FAT3: variants seen among roughly 807,000 people sequenced by gnomAD.
The protein encoded by FAT3 is FAT atypical cadherin 3, also known as protocadherin Fat 3.
A neutral mutation model predicts 310.2 loss-of-function variants in FAT3; 95 were observed. The ratio of observed to expected loss-of-function variants is 0.31; its 90% confidence interval spans 0.26 to 0.36. FAT3 has a LOEUF of 0.36. FAT3 is among the 10% of genes least tolerant of loss of function. FAT3 has a pLI of 1.00. For synonymous variants in FAT3, 2,314 were observed against 2,192.9 expected, an observed-to-expected ratio of 1.06 and a Z score of -1.54; for missense variants, 5,408 against 5,715.6, an observed-to-expected ratio of 0.95 and a Z score of 1.74.
In FAT3 at chr11:92,353,575, G is replaced by A. The variant is rs369038969; in HGVS notation, c.1463G>A (p.Gly488Glu). ...DAYVNESVPV[G>E]TSVLTVSASD... ...TATGTGAATGAAAGTGTCCCAGTGG[G>A]AACCAGCGTTCTAACAGTTTCAGCT... Residue 488 changes from glycine (G) to glutamate (E), a missense_variant, in exon 2 of 28, where the codon GGA (glycine) becomes GAA (glutamate). Gly to Glu is a moderately conservative substitution (Grantham distance 98, BLOSUM62 -2). Transcript: ENST00000525166. 41 of 1,613,672 alleles carry A rather than the reference G, an allele frequency of 2.5e-5. No individual in the cohort carries two copies. In the African/African-American group the frequency reaches 5.2e-4, roughly 20 times the overall value.
At chr11:92,434,815 T>C (rs74952860) in intron 2 of FAT3, among the ~76,000 whole-genome samples, 2 of 152,322 alleles carry the variant, frequency 1.3e-5, no homozygotes, top group East Asian at 3.9e-4. Context: ...TGCAGGTGTT[T>C]ATTTTTATTA....
intron 1 of FAT3, among the ~76,000 whole-genome samples, chr11:92,275,454 A>G (rs1464500360): frequency 6.6e-6 from 1 of 151,836 alleles, no homozygotes; most frequent in Non-Finnish European, 1.5e-5. Context: ...CTTTGGTTCT[A>G]CTGATTGGCA....
intron 2 of FAT3, among the ~76,000 whole-genome samples, chr11:92,447,222 C>CGTGTGT (rs34833885): frequency 0.022 from 3,160 of 146,382 alleles, 58 homozygotes; most frequent in African/African-American, 0.035. Flanking sequence ...TATATGTGTG[C>CGTGTGT]GTGTGTGTGT....
intron 3 of FAT3, among the ~76,000 whole-genome samples, chr11:92,552,362 T>C (rs1464875617): frequency 6.6e-6 from 1 of 152,204 alleles, no homozygotes; most frequent in African/African-American, 2.4e-5. Flanking sequence ...GTGCTCTTTG[T>C]AAAAGTCACA....
At chr11:92,821,298 C>T (rs1947962660) in intron 13 of FAT3, among the ~76,000 whole-genome samples, 1 of 152,150 alleles carries the variant, frequency 6.6e-6, no homozygotes, top group Non-Finnish European at 1.5e-5. Context: ...TTTTTGTATA[C>T]TCCAGTAATT....
intron 23 of FAT3, 110 bp downstream of exon 23, chr11:92,880,994 G>T (rs1949660075): frequency 1.7e-6 from 2 of 1,208,696 alleles, no homozygotes; most frequent in Admixed American, 4.2e-5. Context: ...ACAGGCAAAG[G>T]GTTAACATCT....
intron 3 of FAT3, among the ~76,000 whole-genome samples, chr11:92,656,236 G>T (rs555678814): frequency 1.7e-4 from 26 of 152,310 alleles, no homozygotes; most frequent in Middle Eastern, 3.4e-3. Flanking sequence ...GTGGTATAAA[G>T]ATGGGGGTTG....
intron 2 of FAT3, among the ~76,000 whole-genome samples, chr11:92,454,002 C>T (rs1355439188): frequency 6.6e-6 from 1 of 151,522 alleles, no homozygotes; most frequent in East Asian, 1.9e-4. Context: ...TTATATTTTC[C>T]AGTAAAAAAG....
At chr11:92,616,714 T>G (rs981286070) in intron 3 of FAT3, among the ~76,000 whole-genome samples, 3 of 152,190 alleles carry the variant, frequency 2.0e-5, no homozygotes, top group African/African-American at 7.2e-5. Flanking sequence ...TGTAAAGGAT[T>G]TTATTTCTCC....
chr11:92,331,223 TAAGTA>T (rs1217922759), intron 1 of FAT3, among the ~76,000 whole-genome samples: 1 of 152,096 alleles, frequency 6.6e-6, no homozygotes. Flanking sequence ...ATTGCACAGT[TAAGTA>T]TTGTCTGTGG....
At chr11:92,563,297 G>A (rs139210278) in intron 3 of FAT3, among the ~76,000 whole-genome samples, 350 of 152,288 alleles carry the variant, frequency 2.3e-3, no homozygotes, top group Non-Finnish European at 3.0e-3. Flanking sequence ...GTGAGTAAGA[G>A]GGAGGGACTG....
chr11:92,457,701 C>T (rs1951527347), intron 2 of FAT3, among the ~76,000 whole-genome samples: 1 of 152,048 alleles, frequency 6.6e-6, no homozygotes, highest in Admixed American at 6.5e-5. Flanking sequence ...GCGGGCGGAT[C>T]GCCTGAGGTC....
chr11:92,679,985 G>A (rs1160933647), intron 3 of FAT3, among the ~76,000 whole-genome samples: 3 of 147,870 alleles, frequency 2.0e-5, no homozygotes, highest in Non-Finnish European at 4.5e-5. Flanking sequence ...GTTGTTTCTT[G>A]TATATTCTGA....
intron 1 of FAT3, among the ~76,000 whole-genome samples, chr11:92,351,153 C>G (rs916231463): frequency 6.6e-6 from 1 of 152,128 alleles, no homozygotes; most frequent in Non-Finnish European, 1.5e-5. Flanking sequence ...CAAGTAATCA[C>G]TCTTACCTCC....
chr11:92,597,817 A>G (rs1939789473), intron 3 of FAT3, among the ~76,000 whole-genome samples: 1 of 152,220 alleles, frequency 6.6e-6, no homozygotes, highest in Non-Finnish European at 1.5e-5. Flanking sequence ...GAGTAGAAAA[A>G]TGCATCAGTA....
At chr11:92,346,526 C>G (rs1459362320) in intron 1 of FAT3, among the ~76,000 whole-genome samples, 1 of 152,150 alleles carries the variant, frequency 6.6e-6, no homozygotes, top group East Asian at 1.9e-4. Context: ...TGGTCCCTCT[C>G]TGGACCCTTT....
At chr11:92,735,325 G>A (rs1008140458) in intron 4 of FAT3, among the ~76,000 whole-genome samples, 10 of 152,132 alleles carry the variant, frequency 6.6e-5, no homozygotes, top group African/African-American at 2.4e-4. Flanking sequence ...TCACATAAGG[G>A]TCTTTCCTGG....
rs1358882405 is a variant in FAT3, at chr11:92,844,020, C to A, written c.10653C>A (p.Ala3551=). 6.2e-7 allele frequency: 1 copy of A among 1,614,008 alleles called. No homozygotes were observed. Among genetic ancestry groups the A allele is most frequent in the Non-Finnish European group, 8.5e-7 (1 of 1,179,898 alleles). The change falls in exon 19 of 28, where the codon GCC becomes GCA. Residue 3551 remains alanine, a synonymous_variant. Transcript: ENST00000525166. ...AGGAAAGCACCCACAAGCCCACAGC[C>A]ATTCCCCTGGAAATTTTCATTGTCA... ...VIEESTHKPT[A]IPLEIFIVTM... is the part of the protein sequence containing the mutation.
At chr11:92,373,950 C>G (rs563079641) in intron 2 of FAT3, among the ~76,000 whole-genome samples, 72 of 151,682 alleles carry the variant, frequency 4.7e-4, no homozygotes, top group African/African-American at 1.7e-3. Context: ...TGGGTCAATT[C>G]AAGTTCAAAA....
Sources: allele counts gnomAD v4.1 joint callset (sites outside exome capture counted in the v4.1 genomes callset), GRCh38; gene constraint gnomAD v4.1.1; transcripts MANE v1.5; gene names NCBI Gene and HGNC (gene_info 2026-07-23, HGNC 2026-07-21).